Variants in ZNF518A observed in about 807,000 individuals in gnomAD.
The protein encoded by ZNF518A is zinc finger protein 518.
A neutral mutation model predicts 102.7 loss-of-function variants in ZNF518A; 47 were observed. The observed-to-expected ratio is 0.46, with a 90% CI of 0.36 to 0.58. The LOEUF (loss-of-function observed/expected upper bound fraction) is 0.58, where lower values mean the gene tolerates loss of function less well. ZNF518A is among the 20% of genes least tolerant of loss of function. The probability of loss-of-function intolerance (pLI) is 0.00; values close to 1 mark genes in which losing one functional copy is unlikely to be tolerated. For missense variants in ZNF518A, 1,793 were observed against 1,699.8 expected, an observed-to-expected ratio of 1.05 and a Z score of -0.96; for synonymous variants, 652 against 594.6, an observed-to-expected ratio of 1.10 and a Z score of -1.40.
At position 96,159,345 on chromosome 10, in the gene ZNF518A, C is replaced by T. The variant is rs1349543873; in HGVS notation, c.3023C>T (p.Pro1008Leu). The change falls in exon 6 of 6, where the codon CCT becomes CTT. Residue 1008 changes from proline (P) to leucine (L), a missense_variant. Coordinates refer to ENST00000316045, the MANE Select transcript of ZNF518A (RefSeq NM_001330736.2). ...APARGTVTKE[P>L]CKTPILKVEP... is the part of the protein sequence containing the mutation. ...GCTCGTGGAACTGTGACTAAGGAGC[C>T]TTGCAAAACACCTATTTTGAAGGTA... The T allele has an allele frequency of 6.8e-6, 11 of 1,613,788 alleles. No homozygotes were observed. The highest frequency in any genetic ancestry group is 1.3e-5 in the African/African-American group (1 of 75,036).
chr10:96,176,707 C>T (rs1564802032), intron 1 of ZNF518A, among the ~76,000 whole-genome samples: 1 of 152,170 alleles, frequency 6.6e-6, no homozygotes, highest in Non-Finnish European at 1.5e-5. Context: ...ACCAGCCTGA[C>T]CAACATGGTG....
Position 96,200,150 on chromosome 10 carries a change from G to T in ZNF518A, n.36-3424G>T, listed in dbSNP as rs375535673. The stretch of plus-strand genomic sequence containing the variant: ...CAGCATACCATGGCTTGCAGAGAAC[G>T]CCAGCTTCCTGTGAAATGGAGGGCA... On this transcript the variant is annotated intron_variant and non_coding_transcript_variant, in intron 1 of 2. Coordinates refer to the ZNF518A transcript ENST00000442635. The surrounding 1 kb of genome is among the most constrained non-coding windows in gnomAD (Gnocchi z 4.3). 10 of 1,613,802 alleles carry T rather than the reference G, an allele frequency of 6.2e-6. No individual in the cohort carries two copies. Among genetic ancestry groups the T allele is most frequent in the Non-Finnish European group, 8.5e-6 (10 of 1,179,954 alleles).
intron 3 of ZNF518A, among the ~76,000 whole-genome samples, chr10:96,139,264 T>G (rs2081786895): frequency 6.6e-6 from 1 of 152,178 alleles, no homozygotes; most frequent in African/African-American, 2.4e-5. Context: ...AAATTTTATT[T>G]TAAGTGCCTT....
At chr10:96,147,855 A>C (rs587750340) in intron 3 of ZNF518A, among the ~76,000 whole-genome samples, 1 of 152,238 alleles carries the variant, frequency 6.6e-6, no homozygotes, top group East Asian at 1.9e-4. Flanking sequence ...GTACTTTAAA[A>C]AGTTATTTTA....
Position 96,159,424 on chromosome 10 carries a change from T to G in ZNF518A, c.3102T>G (p.Cys1034Trp). The G allele has an allele frequency of 1.9e-6, 3 of 1,613,792 alleles. No individual in the cohort carries two copies. Among genetic ancestry groups the G allele is most frequent in the Non-Finnish European group, 2.5e-6 (3 of 1,179,792 alleles). Residue 1034 changes from cysteine (C) to tryptophan (W), a missense_variant, in exon 6 of 6, where the codon TGT (cysteine) becomes TGG (tryptophan). Cys to Trp is a radical substitution (Grantham distance 215). Transcript: ENST00000316045. ...GACTTTGTTCCAGCATTGGCAGTTG[T>G]TTGAGCATGAAAAGTAGCTCAGAAA... Reference protein sequence around the residue: ...TPGLCSSIGSCLSMKSSSENT... With the variant: ...TPGLCSSIGSWLSMKSSSENT...
rs373689671 is a variant in ZNF518A at position 96,157,565 on chromosome 10, A to G, written c.1243A>G (p.Met415Val). 7.4e-6 allele frequency: 12 copies of G among 1,613,906 alleles called. No individual in the cohort carries two copies. The highest frequency in any genetic ancestry group is 5.0e-5 in the Admixed American group (3 of 60,020). The change falls in exon 6 of 6, where the codon ATG (methionine) becomes GTG (valine). Residue 415 changes from methionine to valine, a missense_variant. Met to Val is a conservative substitution (Grantham distance 21). This residue lies in a region of ZNF518A where 1,741 missense variants were observed against 1,622.6 expected (regional missense o/e 1.07). Transcript: ENST00000316045. ...GGGACCAAACGCTAGTTCAGGTTTC[A>G]TGAAGACTGCTGTACTAGGACCTAC... ...EEGPNASSGF[M>V]KTAVLGPTLK... is the part of the protein sequence containing the mutation.
intron 1 of ZNF518A, chr10:96,190,174 T>C: frequency 1.2e-6 from 1 of 840,870 alleles, no homozygotes; most frequent in Non-Finnish European, 2.0e-6. Context: ...GAAAAGATAG[T>C]TCTGGGCCTC....
At chr10:96,191,235 CTTTTTTTT>C (rs34920263) in intron 1 of ZNF518A, among the ~76,000 whole-genome samples, 5 of 130,268 alleles carry the variant, frequency 3.8e-5, no homozygotes, top group Non-Finnish European at 8.0e-5. Context: ...CATTAAACCT[CTTTTTTTT>C]TTTTTTTTTT....
chr10:96,157,407 G>A lies in ZNF518A; in HGVS notation c.1085G>A (p.Ser362Asn), dbSNP rs587669477. ...NKTQTKSEDQSHVVQEHLSEE... is the reference protein window; with the variant it reads ...NKTQTKSEDQNHVVQEHLSEE... ...ACACAGACTAAATCTGAAGACCAGA[G>A]CCATGTTGTTCAAGAGCATTTAAGT... The change falls in exon 6 of 6, where the codon AGC becomes AAC. Residue 362 changes from serine to asparagine, a missense_variant. Physicochemically the swap from Ser to Asn is conservative, Grantham distance 46 (BLOSUM62 1). Transcript: ENST00000316045. 76 of 1,612,928 alleles carry A rather than the reference G, an allele frequency of 4.7e-5. No homozygotes were observed. In the South Asian group the frequency reaches 7.9e-4, roughly 17 times the overall value.
At chr10:96,165,734 C>T (rs1404903534), downstream of ZNF518A, among the ~76,000 whole-genome samples, 1 of 152,144 alleles carries the variant, frequency 6.6e-6, no homozygotes, top group Non-Finnish European at 1.5e-5. Flanking sequence ...TACAGAGGTT[C>T]TGTTCAGTGG....
intron 1 of ZNF518A, among the ~76,000 whole-genome samples, chr10:96,169,149 C>A (rs587736043): frequency 6.6e-6 from 1 of 152,034 alleles, no homozygotes; most frequent in South Asian, 2.1e-4. Context: ...CCACCACAAC[C>A]TCCCAAATAG....
chr10:96,133,789 C>T (rs898017335), intron 3 of ZNF518A, 141 bp downstream of exon 3: 1 of 152,164 alleles, frequency 6.6e-6, no homozygotes, highest in African/African-American at 2.4e-5. Flanking sequence ...ACTTCACCAG[C>T]AAATGGATTT....
chr10:96,200,682 C>T lies in ZNF518A; in HGVS notation n.36-2892C>T, dbSNP rs916287869. ...TTATATGTGATTTAATATCATCAGCCTCTACAGATCTATTTGGAGGAAATT... is the reference window on the plus strand; with the variant it reads ...TTATATGTGATTTAATATCATCAGCTTCTACAGATCTATTTGGAGGAAATT... On this transcript the variant is annotated intron_variant and non_coding_transcript_variant, in intron 1 of 2. Transcript: ENST00000442635. This position sits in a 1 kb window ranked among gnomAD's most constrained non-coding sequence, Gnocchi z 4.3. 6.6e-6 allele frequency among the ~76,000 whole-genome samples: 1 copy of T among 152,134 alleles called. No homozygotes were observed. The highest frequency in any genetic ancestry group is 1.5e-5 in the Non-Finnish European group (1 of 68,026).
At chr10:96,171,231 T>C (rs1235215492) in intron 1 of ZNF518A, among the ~76,000 whole-genome samples, 2 of 152,206 alleles carry the variant, frequency 1.3e-5, no homozygotes, top group African/African-American at 4.8e-5. Flanking sequence ...CAAAAATTTA[T>C]ACAAGGATGT....
At chr10:96,204,424 G>T, downstream of ZNF518A, 1 of 1,264,090 alleles carries the variant, frequency 7.9e-7, no homozygotes. Context: ...TGAAATGTTG[G>T]ATTTTTACCT....
intron 1 of ZNF518A, among the ~76,000 whole-genome samples, chr10:96,201,887 A>G (rs1013625564): frequency 1.1e-4 from 16 of 152,226 alleles, no homozygotes; most frequent in African/African-American, 3.9e-4. Flanking sequence ...CAATAAAGAC[A>G]TAAGTAAAAA....
intron 1 of ZNF518A, among the ~76,000 whole-genome samples, chr10:96,170,327 T>C (rs904474115): frequency 1.3e-5 from 2 of 152,246 alleles, no homozygotes; most frequent in African/African-American, 2.4e-5. Flanking sequence ...TTAGCAACTT[T>C]AGCTCTGGAC....
chr10:96,134,551 G>T (rs1401013605), intron 3 of ZNF518A, among the ~76,000 whole-genome samples: 1 of 152,166 alleles, frequency 6.6e-6, no homozygotes, highest in Non-Finnish European at 1.5e-5. Context: ...AAGCATTTTG[G>T]TTAAGGAATA....
In ZNF518A at chr10:96,144,177, G is replaced by A. The variant is rs113051038; in HGVS notation, c.-302+10529G>A. ...ATTTTTGTATTTTTTGTAGAAATGGGGTTTCGCCATGTTTTCTAGGCTGGT... is the reference window on the plus strand; with the variant it reads ...ATTTTTGTATTTTTTGTAGAAATGGAGTTTCGCCATGTTTTCTAGGCTGGT... On this transcript the variant is annotated intron_variant, in intron 3 of 5. Coordinates refer to ENST00000316045, the MANE Select transcript of ZNF518A (RefSeq NM_001330736.2). Among the ~76,000 whole-genome samples the A allele has an allele frequency of 1.6e-3, 247 of 152,040 alleles. 3 individuals carry two copies. Among genetic ancestry groups the A allele is most frequent in the African/African-American group, 5.6e-3 (233 of 41,466 alleles).
Sources: gnomAD v4.1 joint callset for allele counts (sites outside exome capture counted in the v4.1 genomes callset) on GRCh38, gnomAD v4.1.1 for gene constraint, gnomAD v4.1.1 regional missense constraint, Gnocchi (gnomAD v3.1) non-coding constraint, MANE v1.5 for transcripts, NCBI Gene and HGNC (gene_info 2026-07-23, HGNC 2026-07-21) for gene names.